Variants in PAM observed in about 807,000 individuals in gnomAD.
The protein encoded by PAM is peptidylglycine alpha-amidating monooxygenase, also known as peptidyl-glycine alpha-amidating monooxygenase.
Under a neutral mutation model 122.1 loss-of-function variants are expected in PAM, and 72 were observed. That is an observed-to-expected ratio of 0.59 (90% CI 0.49 to 0.72). PAM has a LOEUF of 0.72. Ranked by LOEUF, PAM falls within the 30% of genes least tolerant of loss-of-function variation. The pLI is 0.00. For synonymous variants in PAM, 389 were observed against 404.4 expected (o/e 0.96, Z 0.46); for missense variants, 1,106 against 1,183.7 (o/e 0.93, Z 0.96).
intron 18 of PAM, 134 bp from the exon 19 acceptor site, chr5:103,006,667 G>A: frequency 1.5e-6 from 1 of 664,424 alleles, no homozygotes; most frequent in Middle Eastern, 3.4e-4. Context: ...GTTCTAACAA[G>A]TATTAATACC....
intron 16 of PAM, among the ~76,000 whole-genome samples, chr5:102,991,931 A>G (rs1774201332): frequency 6.6e-6 from 1 of 152,050 alleles, no homozygotes; most frequent in South Asian, 2.1e-4. Flanking sequence ...TTACAGCATC[A>G]TTTTCTCCCA....
At chr5:103,018,600 G>A (rs1782677214) in intron 22 of PAM, among the ~76,000 whole-genome samples, 2 of 152,148 alleles carry the variant, frequency 1.3e-5, no homozygotes, top group Admixed American at 1.3e-4. Context: ...AGAAGGCAGG[G>A]TCAGACAATA....
chr5:102,927,082 AAC>A (rs1749823034), intron 7 of PAM, among the ~76,000 whole-genome samples: 1 of 151,938 alleles, frequency 6.6e-6, no homozygotes, highest in South Asian at 2.1e-4. Flanking sequence ...GGGGTTCTCA[AAC>A]ACTCAGGCTC....
Position 102,980,204 on chromosome 5 carries a change from C to T in PAM, c.1483+5768C>T, listed in dbSNP as rs980287760. On this transcript the variant is annotated intron_variant, in intron 15 of 25. Transcript: ENST00000438793. The stretch of plus-strand genomic sequence containing the variant: ...CTGACAAAGTTGGGAATGACTTGCC[C>T]AAGGTCATGGGTAAGAAATTTGTAT... Among the ~76,000 whole-genome samples, 7 of 152,154 alleles carry T rather than the reference C, an allele frequency of 4.6e-5. No homozygotes were observed. In the South Asian group the frequency reaches 1.5e-3, roughly 32 times the overall value.
chr5:102,902,826 A>T (rs913002050), intron 4 of PAM, among the ~76,000 whole-genome samples: 21 of 151,524 alleles, frequency 1.4e-4, no homozygotes, highest in Admixed American at 1.1e-3. Context: ...ACCTGTGTAA[A>T]TATGGTAGTC....
rs780888739 is a variant in PAM at position 103,007,527 on chromosome 5, G to A, written c.2085G>A (p.Leu695=). Residue 695 remains leucine (L), a synonymous_variant, in exon 20 of 26, where the codon TTG becomes TTA. Coordinates refer to ENST00000438793, the MANE Select transcript of PAM (RefSeq NM_001177306.2). ...ACAGCTTGGCTCTTGTGCCTCTTTT[G>A]GGCCAATTATGTGTGGCAGACCGGG... ...VPHSLALVPL[L]GQLCVADREN... The A allele has an allele frequency of 6.2e-7, 1 of 1,613,918 alleles. No homozygotes were observed.
At chr5:102,838,168 A>G (rs1326794714) in intron 1 of PAM, 8 of 152,168 alleles carry the variant, frequency 5.3e-5, no homozygotes. Context: ...TTTGTGGATT[A>G]GCAGTCATTG....
chr5:103,030,838 T>C (rs930692271), downstream of PAM: 1 of 152,230 alleles, frequency 6.6e-6, no homozygotes, highest in African/African-American at 2.4e-5. Context: ...TGGTTCATGT[T>C]TTTAAATTTG....
At chr5:103,014,870 G>A (rs750769013) in intron 21 of PAM, among the ~76,000 whole-genome samples, 10 of 152,166 alleles carry the variant, frequency 6.6e-5, no homozygotes, top group Non-Finnish European at 1.3e-4. Context: ...TCAAAGGACA[G>A]ACTTGTGGTC....
chr5:102,866,662 A>G lies in PAM; in HGVS notation c.89+378A>G, dbSNP rs373878696. On this transcript the variant is annotated intron_variant, in intron 2 of 25. Transcript: ENST00000438793. ...CAGATCATAGACTGTAATAGCTCAC[A>G]AGGAAACACTGAGCTGTATACAAAC... is the stretch of plus-strand genomic sequence containing the variant. 8 of 191,522 alleles carry G rather than the reference A, an allele frequency of 4.2e-5. No homozygotes were observed. In the East Asian group the frequency reaches 8.4e-4, roughly 20 times the overall value. 11.9% of individuals were successfully genotyped at this position (191,522 alleles called of 1,614,324 possible).
chr5:103,013,514 T>C (rs1441786793), intron 21 of PAM, among the ~76,000 whole-genome samples: 3 of 152,198 alleles, frequency 2.0e-5, no homozygotes, highest in Admixed American at 1.3e-4. Context: ...ACAAGGATAA[T>C]TTGATTTCTT....
chr5:102,837,635 C>T (rs780524339), intron 1 of PAM: 1 of 152,152 alleles, frequency 6.6e-6, no homozygotes, highest in Non-Finnish European at 1.5e-5. Flanking sequence ...TTAAAAGGTA[C>T]ATTAATCACT....
chr5:103,029,003 G>A lies in PAM; in HGVS notation c.2860G>A (p.Gly954Arg). ...EGSDQEKEDD[G>R]SESEEEYSAP... ...CAGTGACCAAGAGAAAGAGGATGAT[G>A]GAAGTGAATCAGAAGAGGAGTATTC... The change falls in exon 26 of 26, where the codon GGA becomes AGA. Residue 954 changes from glycine (G) to arginine (R), a missense_variant. Coordinates refer to ENST00000438793, the MANE Select transcript of PAM (RefSeq NM_001177306.2). 1 of 1,613,804 alleles carries A rather than the reference G, an allele frequency of 6.2e-7. No individual in the cohort carries two copies. The highest frequency in any genetic ancestry group is 1.1e-5 in the South Asian group (1 of 91,062).
At chr5:102,810,829 A>C (rs1767704574) in intron 1 of PAM, among the ~76,000 whole-genome samples, 1 of 152,070 alleles carries the variant, frequency 6.6e-6, no homozygotes, top group Non-Finnish European at 1.5e-5. Flanking sequence ...ACTCCATCTC[A>C]AAAAAAGAAA....
chr5:102,833,602 G>A (rs1776062674), intron 1 of PAM, among the ~76,000 whole-genome samples: 1 of 152,134 alleles, frequency 6.6e-6, no homozygotes, highest in Non-Finnish European at 1.5e-5. Flanking sequence ...GGCTCAATAA[G>A]CATAATCCTG....
At chr5:102,876,330 G>A (rs933112037) in intron 3 of PAM, among the ~76,000 whole-genome samples, 8 of 151,976 alleles carry the variant, frequency 5.3e-5, no homozygotes, top group Non-Finnish European at 1.0e-4. Flanking sequence ...CCTTGTACCC[G>A]TGTACCCCTG....
chr5:102,763,155 A>G (rs1752883610), intron 1 of PAM, among the ~76,000 whole-genome samples: 1 of 152,198 alleles, frequency 6.6e-6, no homozygotes, highest in Non-Finnish European at 1.5e-5. Flanking sequence ...ATGATTATCC[A>G]GTAGATAGTT....
At chr5:103,006,460 G>T (rs1005735971) in intron 18 of PAM, among the ~76,000 whole-genome samples, 16 of 152,146 alleles carry the variant, frequency 1.1e-4, no homozygotes, top group African/African-American at 3.9e-4. Flanking sequence ...TATTGCTCAT[G>T]TATTATCTGG....
intron 3 of PAM, among the ~76,000 whole-genome samples, chr5:102,893,669 T>C (rs1467988583): frequency 6.6e-6 from 1 of 151,752 alleles, no homozygotes; most frequent in Non-Finnish European, 1.5e-5. Context: ...GAAGTTAAAA[T>C]CACTGTGTGC....
Sources: allele counts gnomAD v4.1 joint callset (sites outside exome capture counted in the v4.1 genomes callset), GRCh38; gene constraint gnomAD v4.1.1; transcripts MANE v1.5; gene names NCBI Gene and HGNC (gene_info 2026-07-23, HGNC 2026-07-21).